The following RMDN2 variants were observed in gnomAD, a reference collection of about 807,000 sequenced individuals.
RMDN2 encodes regulator of microtubule dynamics protein 2.
In RMDN2, 61 loss-of-function variants were observed where a neutral mutation model predicts 52.8. The ratio of observed to expected loss-of-function variants is 1.16; its 90% CI spans 0.94 to 1.43. The LOEUF is 1.43. RMDN2 is among the 40% of genes most tolerant of loss of function. The pLI is 0.00. For synonymous variants in RMDN2, 180 were observed against 153.1 expected (o/e 1.18, Z -1.30); for missense variants, 592 against 475.3 (o/e 1.25, Z -2.28).
chr2:37,990,448 G>A (rs1388730359), intron 6 of RMDN2, among the ~76,000 whole-genome samples: 2 of 149,830 alleles, frequency 1.3e-5, no homozygotes, highest in African/African-American at 4.9e-5. Flanking sequence ...GAACCAGGGA[G>A]GCGGAGGTTG....
chr2:37,946,400 C>G (rs1029442111), intron 2 of RMDN2, among the ~76,000 whole-genome samples: 1 of 152,132 alleles, frequency 6.6e-6, no homozygotes, highest in Non-Finnish European at 1.5e-5. Context: ...TTATTTTTCT[C>G]TTCCCTATGC....
intron 10 of RMDN2, among the ~76,000 whole-genome samples, chr2:38,043,959 T>C (rs1314726576): frequency 2.0e-5 from 3 of 152,100 alleles, no homozygotes; most frequent in Non-Finnish European, 2.9e-5. Flanking sequence ...GATGTTCTCC[T>C]TTCTTTATCC....
At chr2:37,931,673 A>G (rs923339739) in intron 2 of RMDN2, among the ~76,000 whole-genome samples, 23 of 152,384 alleles carry the variant, frequency 1.5e-4, no homozygotes, top group Admixed American at 7.2e-4. Flanking sequence ...AGGACAAGTA[A>G]AAAGAAGATA....
intron 10 of RMDN2, among the ~76,000 whole-genome samples, chr2:38,047,001 G>A (rs1196144441): frequency 6.6e-6 from 1 of 151,634 alleles, no homozygotes; most frequent in Admixed American, 6.6e-5. Context: ...ACAAAAAAGA[G>A]CCCAGAAGAT....
intron 2 of RMDN2, among the ~76,000 whole-genome samples, chr2:37,932,595 G>A (rs1361662422): frequency 1.3e-5 from 2 of 151,812 alleles, no homozygotes; most frequent in Non-Finnish European, 2.9e-5. Context: ...CCCAGACGGG[G>A]TGGTGGCCGG....
chr2:37,972,693 A>T (rs1398660752), intron 2 of RMDN2, among the ~76,000 whole-genome samples: 1 of 152,148 alleles, frequency 6.6e-6, no homozygotes, highest in East Asian at 1.9e-4. Flanking sequence ...TCCAGATGAG[A>T]TGATGGAGGC....
intron 2 of RMDN2, among the ~76,000 whole-genome samples, chr2:37,960,229 A>G (rs1170604801): frequency 3.3e-5 from 5 of 152,074 alleles, no homozygotes; most frequent in African/African-American, 1.2e-4. Context: ...TCTGTCTAAC[A>G]TTGACAATGG....
chr2:37,935,855 A>AT (rs764255457), intron 2 of RMDN2, among the ~76,000 whole-genome samples: 1 of 152,022 alleles, frequency 6.6e-6, no homozygotes, highest in Non-Finnish European at 1.5e-5. Flanking sequence ...ATATACCTTA[A>AT]TTTATTTCCC....
At chr2:38,026,203 T>G (rs574951612) in intron 10 of RMDN2, among the ~76,000 whole-genome samples, 1 of 152,152 alleles carries the variant, frequency 6.6e-6, no homozygotes, top group African/African-American at 2.4e-5. Flanking sequence ...TCAAAGAATT[T>G]ATCTATTTTT....
downstream of RMDN2, among the ~76,000 whole-genome samples, chr2:38,018,260 G>C (rs1245235868): frequency 6.6e-6 from 1 of 152,122 alleles, no homozygotes; most frequent in African/African-American, 2.4e-5. Flanking sequence ...TCATGAGATG[G>C]AGCATTCTCA....
intron 10 of RMDN2, among the ~76,000 whole-genome samples, chr2:38,007,740 T>G (rs550064430): frequency 6.6e-6 from 1 of 152,338 alleles, no homozygotes; most frequent in South Asian, 2.1e-4. Context: ...TTTCTTGCCT[T>G]CTGCTAGCTT....
chr2:38,052,878 A>C (rs7557493), intron 10 of RMDN2, among the ~76,000 whole-genome samples: 42,628 of 151,974 alleles, frequency 0.28, 8,493 homozygotes, highest in East Asian at 0.78. Context: ...TAGCTAATGG[A>C]TTCACTCCCA....
At chr2:38,010,171 A>C (rs1247593252) in intron 10 of RMDN2, among the ~76,000 whole-genome samples, 2 of 152,140 alleles carry the variant, frequency 1.3e-5, no homozygotes, top group Non-Finnish European at 1.5e-5. Context: ...GACCCACTTG[A>C]GGAGGCAGTC....
intron 10 of RMDN2, chr2:38,028,299 C>G (rs923598924): frequency 2.6e-5 from 4 of 152,310 alleles, no homozygotes; most frequent in South Asian, 2.1e-4. Context: ...CTGACAAATA[C>G]TACAATTATC....
intron 2 of RMDN2, among the ~76,000 whole-genome samples, chr2:37,958,756 A>G (rs1285348320): frequency 1.3e-5 from 2 of 150,784 alleles, no homozygotes; most frequent in Non-Finnish European, 2.9e-5. Context: ...CCCATTCAGT[A>G]TGATATTGGC....
chr2:37,974,460 A>G (rs1672203783), intron 3 of RMDN2, among the ~76,000 whole-genome samples: 2 of 147,642 alleles, frequency 1.4e-5, no homozygotes, highest in Non-Finnish European at 3.0e-5. Flanking sequence ...CAGAGCTATA[A>G]TTACGCAGAT....
downstream of RMDN2, among the ~76,000 whole-genome samples, chr2:38,019,327 A>C (rs930267423): frequency 6.6e-6 from 1 of 152,206 alleles, no homozygotes; most frequent in Non-Finnish European, 1.5e-5. Flanking sequence ...TGGGACTCAT[A>C]ATTGGAACCT....
chr2:38,064,388 G>A (rs1199285342), intron 10 of RMDN2, among the ~76,000 whole-genome samples: 3 of 152,032 alleles, frequency 2.0e-5, no homozygotes, highest in Non-Finnish European at 2.9e-5. Flanking sequence ...TACTCGGGGG[G>A]CTGAGACAGG....
chr2:37,940,727 G>T (rs1011116771), intron 2 of RMDN2, among the ~76,000 whole-genome samples: 2 of 152,052 alleles, frequency 1.3e-5, no homozygotes, highest in African/African-American at 4.8e-5. Flanking sequence ...GTGTTTTTCA[G>T]CTCCATCAGG....
Sources: gnomAD v4.1 joint callset for allele counts (sites outside exome capture counted in the v4.1 genomes callset) on GRCh38, gnomAD v4.1.1 for gene constraint, MANE v1.5 for transcripts, NCBI Gene and HGNC (gene_info 2026-07-23, HGNC 2026-07-21) for gene names.